CHRNA7: variants seen among roughly 807,000 people sequenced by gnomAD.
CHRNA7 encodes neuronal acetylcholine receptor subunit alpha-7.
Under a neutral mutation model 48.0 loss-of-function variants are expected in CHRNA7, and 17 were observed. That is an observed-to-expected ratio of 0.35 (90% confidence interval 0.24 to 0.53). The LOEUF is 0.53. Ranked by LOEUF, CHRNA7 falls within the 20% of genes least tolerant of loss-of-function variation. The pLI is 0.92. For synonymous variants in CHRNA7, 75 were observed against 242.3 expected (o/e 0.31, Z 6.41); for missense variants, 155 against 577.7 (o/e 0.27, Z 7.50).
intron 4 of CHRNA7, among the ~76,000 whole-genome samples, chr15:32,148,814 C>T (rs1159213920): frequency 1.3e-5 from 2 of 152,214 alleles, no homozygotes; most frequent in Admixed American, 6.5e-5. Flanking sequence ...CTGGAGCCTC[C>T]TTCGTTCTGG....
At chr15:32,124,718 T>C (rs147316184) in intron 4 of CHRNA7, among the ~76,000 whole-genome samples, 55 of 152,198 alleles carry the variant, frequency 3.6e-4, no homozygotes, top group African/African-American at 1.2e-3. Context: ...CCCTCGAGAA[T>C]TAGTATGTTG....
intron 4 of CHRNA7, among the ~76,000 whole-genome samples, chr15:32,144,904 G>T (rs999908391): frequency 4.6e-5 from 7 of 152,140 alleles, no homozygotes; most frequent in Non-Finnish European, 7.3e-5. Context: ...CCGACCTTCT[G>T]AAACCTACTT....
chr15:32,068,281 C>T (rs371466934), intron 2 of CHRNA7, among the ~76,000 whole-genome samples: 69 of 152,204 alleles, frequency 4.5e-4, no homozygotes, highest in African/African-American at 1.6e-3. Context: ...TGCACTCTAG[C>T]CTGGGTAACA....
At chr15:32,143,134 T>C (rs528900217) in intron 4 of CHRNA7, among the ~76,000 whole-genome samples, 2 of 152,222 alleles carry the variant, frequency 1.3e-5, no homozygotes, top group Non-Finnish European at 2.9e-5. Flanking sequence ...TTGTTCTCAT[T>C]GGTTTCAAAG....
At chr15:32,085,308 T>A (rs1236373101) in intron 2 of CHRNA7, among the ~76,000 whole-genome samples, 1 of 152,208 alleles carries the variant, frequency 6.6e-6, no homozygotes, top group African/African-American at 2.4e-5. Context: ...TTATCCCAAT[T>A]AATGTTTTTC....
chr15:32,064,483 GTGTGTGTGTA>G (rs898467758), intron 2 of CHRNA7, among the ~76,000 whole-genome samples: 4 of 1,378 alleles, frequency 2.9e-3, no homozygotes, highest in Non-Finnish European at 8.1e-3. Flanking sequence ...TGTGTGTGTA[GTGTGTGTGTA>G]TGTGTGTGTA....
intron 4 of CHRNA7, among the ~76,000 whole-genome samples, chr15:32,147,463 G>A (rs1014322795): frequency 3.9e-5 from 6 of 152,194 alleles, no homozygotes; most frequent in Non-Finnish European, 7.3e-5. Context: ...TGAGGAAGGC[G>A]GATGGCTTGA....
At chr15:32,044,555 C>T (rs555470408) in intron 2 of CHRNA7, among the ~76,000 whole-genome samples, 8 of 152,288 alleles carry the variant, frequency 5.3e-5, no homozygotes, top group East Asian at 3.9e-4. Context: ...GGATTACAGG[C>T]GTGAGCCACT....
chr15:32,053,410 A>G (rs1699459566), intron 2 of CHRNA7, among the ~76,000 whole-genome samples: 1 of 152,214 alleles, frequency 6.6e-6, no homozygotes, highest in Admixed American at 6.5e-5. Context: ...AGAAGAGGGA[A>G]GTCATTTGGC....
In CHRNA7 at chr15:32,030,979, A is replaced by G. The variant is rs201529515; in HGVS notation, c.137A>G (p.Asn46Ser). ...NYNPLERPVA[N>S]DSQPLTVYFS... ...AATCCCTTGGAGAGGCCCGTGGCCA[A>G]TGACTCGCAACCACTCACCGTCTAC... is the stretch of plus-strand genomic sequence containing the variant. Residue 46 changes from asparagine (N) to serine (S), a missense_variant, in exon 2 of 10, where the codon AAT becomes AGT. Physicochemically the swap from Asn to Ser is conservative, Grantham distance 46 (BLOSUM62 1). Transcript: ENST00000306901. The G allele has an allele frequency of 4.0e-5, 64 of 1,614,084 alleles. No individual in the cohort carries two copies. Among genetic ancestry groups the G allele is most frequent in the Non-Finnish European group, 5.2e-5 (61 of 1,180,018 alleles).
At chr15:32,141,853 A>G (rs886218333) in intron 4 of CHRNA7, among the ~76,000 whole-genome samples, 1 of 147,568 alleles carries the variant, frequency 6.8e-6, no homozygotes, top group Admixed American at 6.8e-5. Flanking sequence ...ATATACAATC[A>G]TGTCGTCTGC....
At chr15:32,051,421 G>T (rs2049674698) in intron 2 of CHRNA7, among the ~76,000 whole-genome samples, 1 of 152,172 alleles carries the variant, frequency 6.6e-6, no homozygotes, top group African/African-American at 2.4e-5. Context: ...CTAGCAATCA[G>T]TGAGACTCCA....
chr15:32,085,522 A>T (rs910626741), intron 2 of CHRNA7, among the ~76,000 whole-genome samples: 20 of 152,264 alleles, frequency 1.3e-4, no homozygotes, highest in Non-Finnish European at 2.5e-4. Context: ...ATTTGATGAC[A>T]TGTGAAACTA....
At chr15:32,083,485 T>A (rs141123052) in intron 2 of CHRNA7, among the ~76,000 whole-genome samples, 5 of 152,346 alleles carry the variant, frequency 3.3e-5, no homozygotes, top group Admixed American at 3.3e-4. Flanking sequence ...CAAGACACTT[T>A]ATCAAATTGC....
At chr15:32,034,602 G>A (rs375807045) in intron 2 of CHRNA7, among the ~76,000 whole-genome samples, 32 of 152,298 alleles carry the variant, frequency 2.1e-4, no homozygotes, top group African/African-American at 2.6e-4. Context: ...AGGCATCTCT[G>A]AGGGCATGAG....
At chr15:32,069,346 A>G (rs1293117138) in intron 2 of CHRNA7, among the ~76,000 whole-genome samples, 1 of 152,248 alleles carries the variant, frequency 6.6e-6, no homozygotes, top group Non-Finnish European at 1.5e-5. Flanking sequence ...TATTCAGTGC[A>G]ATAGTCAAAG....
intron 4 of CHRNA7, among the ~76,000 whole-genome samples, chr15:32,114,073 T>TAC (rs1275862190): frequency 1.5e-5 from 2 of 135,790 alleles, no homozygotes; most frequent in African/African-American, 5.5e-5. Flanking sequence ...TATATATATA[T>TAC]ATACACATAC....
chr15:32,104,654 C>T (rs558107543), intron 3 of CHRNA7, among the ~76,000 whole-genome samples: 43 of 152,100 alleles, frequency 2.8e-4, no homozygotes, highest in Non-Finnish European at 5.3e-4. Context: ...TAGCGGGCAC[C>T]AAAGAACTTT....
At chr15:32,059,192 T>G (rs140084462) in intron 2 of CHRNA7, among the ~76,000 whole-genome samples, 1 of 152,126 alleles carries the variant, frequency 6.6e-6, no homozygotes, top group African/African-American at 2.4e-5. Flanking sequence ...TTAGTAGAGA[T>G]AGGGTTTTAC....
Sources: allele counts gnomAD v4.1 joint callset (sites outside exome capture counted in the v4.1 genomes callset), GRCh38; gene constraint gnomAD v4.1.1; transcripts MANE v1.5; gene names NCBI Gene and HGNC (gene_info 2026-07-23, HGNC 2026-07-21).